Variants in PRDM5 observed in about 807,000 individuals in gnomAD.
The protein encoded by PRDM5 is PR/SET domain 5.
A neutral mutation model predicts 81.2 loss-of-function variants in PRDM5; 56 were observed. The ratio of observed to expected loss-of-function variants is 0.69; its 90% CI spans 0.56 to 0.86. The LOEUF (loss-of-function observed/expected upper bound fraction) is 0.86, where lower values mean the gene tolerates loss of function less well. Among genes scored for constraint, PRDM5 ranks in the 40% least tolerant of loss-of-function variants. The pLI is 0.00. For missense variants in PRDM5, 697 were observed against 770.1 expected (o/e 0.91, Z 1.12); for synonymous variants, 267 against 256.4 (o/e 1.04, Z -0.39).
At chr4:120,727,292 T>C (rs79609943) in intron 14 of PRDM5, among the ~76,000 whole-genome samples, 1,444 of 117,436 alleles carry the variant, frequency 0.012, 26 homozygotes, top group African/African-American at 0.039. Context: ...CCAAGAAAGA[T>C]GTATGTATAT....
At chr4:120,772,940 A>G (rs1747513425) in intron 13 of PRDM5, among the ~76,000 whole-genome samples, 1 of 152,252 alleles carries the variant, frequency 6.6e-6, no homozygotes, top group South Asian at 2.1e-4. Context: ...TAGTCACTGT[A>G]GCCTTCACAG....
At chr4:120,799,525 A>T in intron 9 of PRDM5, 136 bp downstream of exon 9, 1 of 1,351,806 alleles carries the variant, frequency 7.4e-7, no homozygotes. Context: ...ACTTGTTCAG[A>T]ATCACATGAC....
intron 13 of PRDM5, among the ~76,000 whole-genome samples, chr4:120,757,692 C>T (rs1237574765): frequency 6.6e-6 from 1 of 151,928 alleles, no homozygotes; most frequent in Non-Finnish European, 1.5e-5. Context: ...AATTAATTCC[C>T]TCTCTTTCTC....
chr4:120,699,972 A>AAATAAATAAAT lies in PRDM5; in HGVS notation c.1729-4698_1729-4697insATTTATTTATT, dbSNP rs1560893583. Among the ~76,000 whole-genome samples the AAATAAATAAAT allele has an allele frequency of 2.6e-4, 23 of 86,970 alleles. No individual in the cohort carries two copies. In the East Asian group the frequency reaches 3.1e-3, roughly 12 times the overall value. 57.1% of individuals were successfully genotyped at this position (86,970 alleles called of 152,430 possible). ...ATAAATAAATAAATAAATAAATAAAAAGCCCAAATAGCCAAAGCAATCCTA... is the reference window on the plus strand; with the variant it reads ...ATAAATAAATAAATAAATAAATAAAAAATAAATAAATAGCCCAAATAGCCAAAGCAATCCTA... On this transcript the variant is annotated intron_variant, in intron 15 of 15. Coordinates refer to ENST00000264808, the MANE Select transcript of PRDM5 (RefSeq NM_018699.4).
rs376601281 is a variant in PRDM5 at position 120,754,523 on chromosome 4, C to G, written c.1623+30G>C. 1.2e-4 allele frequency: 177 copies of G among 1,431,124 alleles called. No homozygotes were observed. The African/African-American group carries it at 2.2e-3, about 18-fold the overall frequency. The allele number at this position is 1,431,124 out of a possible 1,614,324, so 88.7% of individuals were successfully genotyped here. A position where few individuals can be genotyped will look rare whatever the true frequency, so the allele number is the denominator to read the frequency against. On this transcript the variant is annotated intron_variant, in intron 14 of 15. Transcript: ENST00000264808. ...TTAAAATAAGTATGGTTTTCATGAT[C>G]AATATTAATGAAACAGAATATAATC...
At chr4:120,851,904 T>A (rs1466392638) in intron 3 of PRDM5, among the ~76,000 whole-genome samples, 1 of 152,138 alleles carries the variant, frequency 6.6e-6, no homozygotes, top group Non-Finnish European at 1.5e-5. Flanking sequence ...TCAAATACTG[T>A]TCATGTCTTA....
At chr4:120,728,602 C>G (rs972694951) in intron 14 of PRDM5, among the ~76,000 whole-genome samples, 8 of 152,120 alleles carry the variant, frequency 5.3e-5, no homozygotes, top group African/African-American at 1.9e-4. Context: ...CATCATGGAA[C>G]CTGGTGTACT....
chr4:120,831,687 C>CT (rs34554382), intron 3 of PRDM5, among the ~76,000 whole-genome samples: 56,533 of 151,564 alleles, frequency 0.37, 10,672 homozygotes, highest in African/African-American at 0.44. Flanking sequence ...ACTTATACTA[C>CT]TTATAAAGAG....
At chr4:120,822,374 T>A (rs1030157932) in intron 3 of PRDM5, among the ~76,000 whole-genome samples, 13 of 152,138 alleles carry the variant, frequency 8.5e-5, no homozygotes, top group Admixed American at 3.3e-4. Context: ...ACAAAGAAAG[T>A]AAGGTCCACC....
chr4:120,811,312 A>T, intron 8 of PRDM5, 58 bp downstream of exon 8: 1 of 1,165,552 alleles, frequency 8.6e-7, no homozygotes, highest in Non-Finnish European at 1.2e-6. Context: ...TTACTATAAA[A>T]CATATTAAAA....
intron 12 of PRDM5, 25 bp downstream of exon 12, chr4:120,781,118 A>G: frequency 1.2e-6 from 2 of 1,600,394 alleles, no homozygotes; most frequent in Non-Finnish European, 1.7e-6. Context: ...TAATCTGTTC[A>G]AACTAACAGA....
Position 120,786,226 on chromosome 4 carries a change from T to C in PRDM5, c.1189-1135A>G, listed in dbSNP as rs181471782. 7.9e-5 allele frequency among the ~76,000 whole-genome samples: 12 copies of C among 152,298 alleles called. No homozygotes were observed. In the East Asian group the frequency reaches 2.1e-3, roughly 27 times the overall value. ...TATTAAACATACAAGCATAATCTAT[T>C]AGCATAATGTTGGTGAGAAAGACAT... is the stretch of plus-strand genomic sequence containing the variant. On this transcript the variant is annotated intron_variant, in intron 10 of 15. Coordinates refer to ENST00000264808, the MANE Select transcript of PRDM5 (RefSeq NM_018699.4).
In PRDM5 at chr4:120,845,048, TGA is replaced by T. The variant is rs545916887; in HGVS notation, c.300+8368_300+8369del. ...TAATTCTATTCAATTCTGTGAAGGCTGAGAGAGACAAGGAAGCTGCAGAAGAA... is the reference window on the plus strand; with the variant it reads ...TAATTCTATTCAATTCTGTGAAGGCTGAGAGACAAGGAAGCTGCAGAAGAA... On this transcript the variant is annotated intron_variant, in intron 3 of 15. Coordinates refer to ENST00000264808, the MANE Select transcript of PRDM5 (RefSeq NM_018699.4). Among the ~76,000 whole-genome samples, 938 of 152,280 alleles carry T rather than the reference TGA, an allele frequency of 6.2e-3. 3 individuals carry two copies. Among genetic ancestry groups the T allele is most frequent in the Non-Finnish European group, 0.011 (737 of 68,030 alleles).
intron 2 of PRDM5, among the ~76,000 whole-genome samples, chr4:120,854,094 C>T (rs11944593): frequency 0.21 from 32,095 of 152,080 alleles, 3,696 homozygotes; most frequent in Non-Finnish European, 0.25. Context: ...CCCATTTTAT[C>T]CTTTCATGGC....
rs368390433 is a variant in PRDM5, at chr4:120,835,762, A to C, written c.301-14417T>G. On this transcript the variant is annotated intron_variant, in intron 3 of 15. Coordinates refer to ENST00000264808, the MANE Select transcript of PRDM5 (RefSeq NM_018699.4). ...GCAGCATAAAAACAGACTAATACAA[A>C]AGGAAAGGAACTCGCACATTTAATA... Among the ~76,000 whole-genome samples, 9 of 152,198 alleles carry C rather than the reference A, an allele frequency of 5.9e-5. No homozygotes were observed. In the South Asian group the frequency reaches 1.9e-3, roughly 32 times the overall value.
chr4:120,808,500 T>C (rs1753330414), intron 8 of PRDM5, among the ~76,000 whole-genome samples: 1 of 152,026 alleles, frequency 6.6e-6, no homozygotes, highest in South Asian at 2.1e-4. Flanking sequence ...TAGCTAGACA[T>C]AAAGGTTCTC....
chr4:120,713,971 C>T (rs1252236586), intron 14 of PRDM5, among the ~76,000 whole-genome samples: 1 of 152,130 alleles, frequency 6.6e-6, no homozygotes, highest in Non-Finnish European at 1.5e-5. Flanking sequence ...GCACTAATCC[C>T]ATTCATGACA....
At chr4:120,904,370 G>A (rs2148669675) in intron 2 of PRDM5, among the ~76,000 whole-genome samples, 1 of 152,074 alleles carries the variant, frequency 6.6e-6, no homozygotes, top group Non-Finnish European at 1.5e-5. Flanking sequence ...GGGGTTAAAT[G>A]TATCAAAAGG....
chr4:120,907,350 A>AC lies in PRDM5; in HGVS notation c.177+123_177+124insG. 6.7e-6 allele frequency: 6 copies of AC among 891,356 alleles called. No individual in the cohort carries two copies. In the East Asian group the frequency reaches 1.1e-4, roughly 16 times the overall value. 55.2% of individuals were successfully genotyped at this position (891,356 alleles called of 1,614,324 possible). A position where few individuals can be genotyped will look rare whatever the true frequency, so the allele number is the denominator to read the frequency against. On this transcript the variant is annotated intron_variant, in intron 2 of 15. Transcript: ENST00000264808. ...TCTCCATCTCAAAAAAAAAAAAAAA[A>AC]ACCTAAAACATTTCAATACTTAAAT...
Sources: gnomAD v4.1 joint callset for allele counts (sites outside exome capture counted in the v4.1 genomes callset) on GRCh38, gnomAD v4.1.1 for gene constraint, MANE v1.5 for transcripts, NCBI Gene and HGNC (gene_info 2026-07-23, HGNC 2026-07-21) for gene names.